PCDHA4: variants seen among roughly 807,000 people sequenced by gnomAD.
PCDHA4 encodes protocadherin alpha 4, also known as protocadherin alpha-4.
PCDHA4 carries 49 observed loss-of-function variants against 61.4 expected under a neutral mutation model. That is an observed-to-expected ratio of 0.80 (90% CI 0.63 to 1.01). The LOEUF (loss-of-function observed/expected upper bound fraction) is 1.01. Ranked by LOEUF, PCDHA4 falls within the 50% of genes least tolerant of loss-of-function variation. The probability of loss-of-function intolerance (pLI) is 0.00; values close to 1 mark genes in which losing one functional copy is unlikely to be tolerated. For missense variants in PCDHA4, 1,254 were observed against 1,235.8 expected, an observed-to-expected ratio of 1.01 and a Z score of -0.22; for synonymous variants, 590 against 550.3, an observed-to-expected ratio of 1.07 and a Z score of -1.01.
intron 1 of PCDHA4, chr5:140,850,399 G>C: frequency 6.3e-7 from 1 of 1,597,978 alleles, no homozygotes; most frequent in Non-Finnish European, 8.6e-7. Flanking sequence ...AGCACAACGC[G>C]TGCCCTGGAC....
intron 1 of PCDHA4, chr5:140,850,562 C>T (rs782715661): frequency 6.3e-7 from 1 of 1,598,314 alleles, no homozygotes; most frequent in Non-Finnish European, 8.6e-7. Context: ...CCACGGGCCC[C>T]GAGGTGACGC....
chr5:140,955,073 C>T (rs2095133365), intron 1 of PCDHA4, among the ~76,000 whole-genome samples: 1 of 152,146 alleles, frequency 6.6e-6, no homozygotes, highest in South Asian at 2.1e-4. Context: ...TGTTGAAGAT[C>T]AGATGGTTGT....
At chr5:140,966,758 C>T in intron 1 of PCDHA4, 1 of 1,445,334 alleles carries the variant, frequency 6.9e-7, no homozygotes, top group South Asian at 1.5e-5. Flanking sequence ...TCCGCCGCGG[C>T]CAGTGGCTAT....
Position 140,850,862 on chromosome 5 carries a change from C to G in PCDHA4, c.2385+41290C>G, listed in dbSNP as rs2150500833. 5.6e-6 allele frequency: 9 copies of G among 1,592,960 alleles called. 1 individual carries two copies. In the South Asian group the frequency reaches 1.0e-4, roughly 18 times the overall value. Reference sequence around the variant, plus strand: ...GATCTACAGAGCGAACGGGAGAACCCTCTGCTTCCTCAGATTCAACTGGGA... The same window carrying G: ...GATCTACAGAGCGAACGGGAGAACCGTCTGCTTCCTCAGATTCAACTGGGA... On this transcript the variant is annotated intron_variant, in intron 1 of 3. Transcript: ENST00000530339.
intron 1 of PCDHA4, among the ~76,000 whole-genome samples, chr5:140,833,762 A>G (rs1772630796): frequency 6.6e-6 from 1 of 151,978 alleles, no homozygotes; most frequent in East Asian, 1.9e-4. Context: ...ACACACACAC[A>G]CACACCGCTT....
chr5:140,944,317 A>G (rs2093641596), intron 1 of PCDHA4, among the ~76,000 whole-genome samples: 2 of 152,090 alleles, frequency 1.3e-5, no homozygotes. Flanking sequence ...CCTCCTGAGT[A>G]GCTGGGATTA....
chr5:140,966,916 G>A lies in PCDHA4; in HGVS notation c.2386-12033G>A, dbSNP rs1554228883. On this transcript the variant is annotated intron_variant, in intron 1 of 3. Coordinates refer to ENST00000530339, the MANE Select transcript of PCDHA4 (RefSeq NM_018907.4). Reference sequence around the variant, plus strand: ...CCCAGCTGCGATACTCTGTGCCAGAGGAGCAGGCACCCGGCGCGCTCGTGG... The same window carrying A: ...CCCAGCTGCGATACTCTGTGCCAGAAGAGCAGGCACCCGGCGCGCTCGTGG... 13 of 1,602,486 alleles carry A rather than the reference G, an allele frequency of 8.1e-6. No individual in the cohort carries two copies. In the South Asian group the frequency reaches 1.4e-4, roughly 18 times the overall value.
At chr5:140,967,733 C>T (rs1473723959) in intron 1 of PCDHA4, 7 of 1,614,024 alleles carry the variant, frequency 4.3e-6, no homozygotes, top group Non-Finnish European at 5.9e-6. Context: ...AATTGGGGGG[C>T]TGGATTATGA....
intron 1 of PCDHA4, among the ~76,000 whole-genome samples, chr5:140,903,726 A>G (rs2070539731): frequency 6.6e-6 from 1 of 152,248 alleles, no homozygotes; most frequent in South Asian, 2.1e-4. Context: ...TCTCCCTATT[A>G]TCAATTATTA....
chr5:140,817,220 T>C (rs1766092523), intron 1 of PCDHA4: 1 of 152,294 alleles, frequency 6.6e-6, no homozygotes, highest in Admixed American at 6.5e-5. Flanking sequence ...ACTTTCTCTT[T>C]CCCTTCTCAG....
intron 1 of PCDHA4, among the ~76,000 whole-genome samples, chr5:140,832,430 A>G (rs1250957305): frequency 6.6e-6 from 1 of 152,222 alleles, no homozygotes; most frequent in Non-Finnish European, 1.5e-5. Context: ...AGTACATGAT[A>G]ATTTTTAAGC....
chr5:140,848,526 G>A (rs1781577604), intron 1 of PCDHA4: 2 of 1,594,266 alleles, frequency 1.3e-6, no homozygotes, highest in Admixed American at 1.7e-5. Flanking sequence ...AGATCCAGAG[G>A]GTCAGCCTCT....
chr5:141,010,193 T>C lies in PCDHA4; in HGVS notation c.*256T>C, dbSNP rs782116962. Reference sequence around the variant, plus strand: ...CCTAAAAAGCAGACCCAAGTTTCCTTTCTCCTCCGCCGCAAAGGAGAGGCT... The same window carrying C: ...CCTAAAAAGCAGACCCAAGTTTCCTCTCTCCTCCGCCGCAAAGGAGAGGCT... On this transcript the variant is annotated 3_prime_UTR_variant, in exon 4 of 4. Transcript: ENST00000530339. 7.7e-6 allele frequency: 12 copies of C among 1,552,398 alleles called. No individual in the cohort carries two copies. The South Asian group carries it at 1.3e-4, about 17-fold the overall frequency.
In PCDHA4 at chr5:140,808,523, G is replaced by A. The variant is rs1554124614; in HGVS notation, c.1336G>A (p.Ala446Thr). The A allele has an allele frequency of 1.2e-6, 2 of 1,614,182 alleles. No individual in the cohort carries two copies. Among genetic ancestry groups the A allele is most frequent in the Non-Finnish European group, 1.7e-6 (2 of 1,180,044 alleles). The change falls in exon 1 of 4, where the codon GCT (alanine) becomes ACT (threonine). Residue 446 changes from alanine to threonine, a missense_variant. Coordinates refer to ENST00000530339, the MANE Select transcript of PCDHA4 (RefSeq NM_018907.4). ...CACGGCCAGTGTTTCTGTGGAGGTGGCTGATGTGAACGACAACGCTCCGGC... is the reference window on the plus strand; with the variant it reads ...CACGGCCAGTGTTTCTGTGGAGGTGACTGATGTGAACGACAACGCTCCGGC... ...WATASVSVEVADVNDNAPAFA... is the reference protein window; with the variant it reads ...WATASVSVEVTDVNDNAPAFA...
At chr5:140,870,622 G>C (rs377101052) in intron 1 of PCDHA4, 4 of 1,613,124 alleles carry the variant, frequency 2.5e-6, no homozygotes, top group Non-Finnish European at 3.4e-6. Flanking sequence ...GTCGAGCTAC[G>C]TGTCGGTGCA....
chr5:140,897,781 T>G (rs1437567567), intron 1 of PCDHA4, among the ~76,000 whole-genome samples: 1 of 152,172 alleles, frequency 6.6e-6, no homozygotes, highest in East Asian at 1.9e-4. Flanking sequence ...TCCACAATGG[T>G]TGAACTAGTT....
In PCDHA4 at chr5:140,852,860, T is replaced by C. The variant is rs2150523334; in HGVS notation, c.2385+43288T>C. On this transcript the variant is annotated intron_variant, in intron 1 of 3. Transcript: ENST00000530339. ...GAGCTAGTACTTACTAAGCATTTAC[T>C]ATGTCATCAATAATCATAAAACGTA... is the stretch of plus-strand genomic sequence containing the variant. 26 of 961,500 alleles carry C rather than the reference T, an allele frequency of 2.7e-5. 2 individuals are homozygous for C. Among genetic ancestry groups the C allele is most frequent in the Admixed American group, 1.9e-4 (3 of 15,764 alleles). 59.6% of individuals were successfully genotyped at this position (961,500 alleles called of 1,614,324 possible).
chr5:140,849,915 A>G (rs1554143492), intron 1 of PCDHA4: 3 of 1,598,260 alleles, frequency 1.9e-6, no homozygotes, highest in Non-Finnish European at 2.6e-6. Flanking sequence ...GGGCTGCCAC[A>G]TCTTCACGGT....
intron 1 of PCDHA4, chr5:140,836,861 T>A (rs1774783452): frequency 2.6e-6 from 2 of 770,272 alleles, no homozygotes; most frequent in South Asian, 4.4e-5. Context: ...TATTTTTTAA[T>A]GTTATGCTGT....
Sources: allele counts gnomAD v4.1 joint callset (sites outside exome capture counted in the v4.1 genomes callset), GRCh38; gene constraint gnomAD v4.1.1; transcripts MANE v1.5; gene names NCBI Gene and HGNC (gene_info 2026-07-23, HGNC 2026-07-21).